The following ADK variants were observed in gnomAD, a reference collection of about 807,000 sequenced individuals.
The protein encoded by ADK is N6,N6-dimethyladenosine kinase.
Under a neutral mutation model 44.7 loss-of-function variants are expected in ADK, and 24 were observed. The observed-to-expected ratio is 0.54, with a 90% CI of 0.39 to 0.76. The LOEUF (loss-of-function observed/expected upper bound fraction) is 0.76. Ranked by LOEUF, ADK falls within the 30% of genes least tolerant of loss-of-function variation. The pLI, the probability that ADK is intolerant of heterozygous loss-of-function variation, is 0.00. For synonymous variants in ADK, 128 were observed against 142.6 expected, an observed-to-expected ratio of 0.90 and a Z score of 0.73; for missense variants, 321 against 425.1, an observed-to-expected ratio of 0.76 and a Z score of 2.15.
chr10:74,312,010 A>G (rs1281756640), intron 3 of ADK, among the ~76,000 whole-genome samples: 1 of 152,140 alleles, frequency 6.6e-6, no homozygotes, highest in African/African-American at 2.4e-5. Context: ...TACTAAAAAT[A>G]GAAAAATTAG....
intron 1 of ADK, among the ~76,000 whole-genome samples, chr10:74,196,094 A>G (rs1311584641): frequency 1.3e-5 from 2 of 151,062 alleles, no homozygotes. Flanking sequence ...GTGAGCCACC[A>G]CGTCCAGCCT....
intron 4 of ADK, among the ~76,000 whole-genome samples, chr10:74,359,538 C>T (rs10762602): frequency 0.65 from 98,708 of 151,742 alleles, 33,322 homozygotes; most frequent in Middle Eastern, 0.8. Flanking sequence ...CGTGACCGTC[C>T]CTACAAAAAA....
chr10:74,200,625 G>A, intron 1 of ADK, 139 bp from the exon 2 acceptor site: 1 of 684,510 alleles, frequency 1.5e-6, no homozygotes, highest in African/African-American at 1.8e-5. Flanking sequence ...CGTATAATAG[G>A]CAAATCAAAT....
At chr10:74,691,864 G>A (rs914348130) in intron 10 of ADK, among the ~76,000 whole-genome samples, 3 of 152,010 alleles carry the variant, frequency 2.0e-5, no homozygotes, top group Non-Finnish European at 4.4e-5. Flanking sequence ...GGTTATATGT[G>A]TGGCCTATGG....
chr10:74,211,353 C>G (rs1034081644), intron 2 of ADK, among the ~76,000 whole-genome samples: 2 of 152,034 alleles, frequency 1.3e-5, no homozygotes, highest in African/African-American at 2.4e-5. Context: ...ATTTTCTTAT[C>G]CTTACAAATA....
At chr10:74,707,938 G>T (rs918120463) in intron 10 of ADK, among the ~76,000 whole-genome samples, 4 of 151,702 alleles carry the variant, frequency 2.6e-5, no homozygotes, top group African/African-American at 9.7e-5. Flanking sequence ...AGATCACGAG[G>T]TCAGGAGTTT....
At chr10:74,627,772 A>C (rs1853266236) in intron 9 of ADK, among the ~76,000 whole-genome samples, 1 of 152,134 alleles carries the variant, frequency 6.6e-6, no homozygotes, top group African/African-American at 2.4e-5. Context: ...AGCTAGGATT[A>C]CAGGTATACA....
rs561875369 is a variant in ADK at position 74,460,654 on chromosome 10, C to T, written c.555+62075C>T. Among the ~76,000 whole-genome samples the T allele has an allele frequency of 2.1e-4, 32 of 152,234 alleles. No homozygotes were observed. The South Asian group carries it at 6.6e-3, about 32-fold the overall frequency. ...AGATTATCCTATTTACCTTGACCCC[C>T]TACCATGACAATTTAAATACTGCAT... On this transcript the variant is annotated intron_variant, in intron 6 of 10. Coordinates refer to ENST00000539909, the MANE Select transcript of ADK (RefSeq NM_006721.4).
intron 9 of ADK, among the ~76,000 whole-genome samples, chr10:74,623,013 C>CA (rs1853053279): frequency 6.6e-6 from 1 of 151,070 alleles, no homozygotes; most frequent in Non-Finnish European, 1.5e-5. Flanking sequence ...GTCTCAAAAA[C>CA]AAAAAACAAA....
At position 74,542,408 on chromosome 10, in the gene ADK, AAG is replaced by A. The variant is rs1412182958; in HGVS notation, c.726+16985_726+16986del. 3.3e-5 allele frequency among the ~76,000 whole-genome samples: 5 copies of A among 152,334 alleles called. 1 individual carries two copies. The highest frequency in any genetic ancestry group is 7.2e-5 in the African/African-American group (3 of 41,576). The stretch of plus-strand genomic sequence containing the variant: ...ATATGCTGTGAAAAACAAATTTACT[AAG>A]AGCTCAATATCTGTGTACAATTTTT... On this transcript the variant is annotated intron_variant, in intron 7 of 10. Transcript: ENST00000539909.
At chr10:74,664,518 CA>C (rs2134178734) in intron 9 of ADK, among the ~76,000 whole-genome samples, 1 of 152,190 alleles carries the variant, frequency 6.6e-6, no homozygotes, top group East Asian at 1.9e-4. Context: ...ATTACCTACT[CA>C]AAAAGTTAAA....
At chr10:74,223,387 C>A (rs188956317) in intron 2 of ADK, among the ~76,000 whole-genome samples, 25 of 152,274 alleles carry the variant, frequency 1.6e-4, no homozygotes, top group Admixed American at 6.5e-4. Context: ...CTCAATATTG[C>A]CCCGTTGGGG....
At chr10:74,251,636 A>G (rs1461694374) in intron 3 of ADK, among the ~76,000 whole-genome samples, 1 of 152,194 alleles carries the variant, frequency 6.6e-6, no homozygotes, top group Non-Finnish European at 1.5e-5. Context: ...AGATTGTTAC[A>G]GCAAATAAGT....
chr10:74,308,364 TGTTA>T (rs1397940595), intron 3 of ADK, among the ~76,000 whole-genome samples: 1 of 152,222 alleles, frequency 6.6e-6, no homozygotes, highest in Non-Finnish European at 1.5e-5. Flanking sequence ...TTTGAATAAC[TGTTA>T]CTTTTTCCGT....
At chr10:74,459,779 C>T (rs1188673678) in intron 6 of ADK, among the ~76,000 whole-genome samples, 2 of 150,032 alleles carry the variant, frequency 1.3e-5, no homozygotes, top group East Asian at 1.9e-4. Context: ...AAAAATCAGG[C>T]TCTCTGTAGT....
intron 2 of ADK, among the ~76,000 whole-genome samples, chr10:74,219,341 C>G (rs927389430): frequency 6.6e-6 from 1 of 151,910 alleles, no homozygotes. Flanking sequence ...TATATGCACC[C>G]AATACAGAAG....
At chr10:74,349,380 C>T (rs1374373830) in intron 4 of ADK, among the ~76,000 whole-genome samples, 1 of 152,120 alleles carries the variant, frequency 6.6e-6, no homozygotes. Context: ...ATTTTGTCAC[C>T]ACCAGGCCTG....
intron 7 of ADK, among the ~76,000 whole-genome samples, chr10:74,548,340 A>G (rs1849911519): frequency 6.6e-6 from 1 of 152,168 alleles, no homozygotes; most frequent in African/African-American, 2.4e-5. Context: ...CCTACAGAAG[A>G]GGATAATTAA....
chr10:74,378,054 T>G (rs1051787861), intron 4 of ADK, among the ~76,000 whole-genome samples: 3 of 151,560 alleles, frequency 2.0e-5, no homozygotes, highest in East Asian at 1.9e-4. Context: ...TGCCTCAGTT[T>G]TTTTTTTTTT....
Sources: allele counts gnomAD v4.1 joint callset (sites outside exome capture counted in the v4.1 genomes callset), GRCh38; gene constraint gnomAD v4.1.1; transcripts MANE v1.5; gene names NCBI Gene and HGNC (gene_info 2026-07-23, HGNC 2026-07-21).